AOPEP: variants seen among roughly 807,000 people sequenced by gnomAD.
AOPEP encodes aminopeptidase O (putative).
AOPEP carries 77 observed loss-of-function variants against 98.1 expected under a neutral mutation model. The observed-to-expected ratio is 0.78, with a 90% CI of 0.65 to 0.95. The LOEUF (loss-of-function observed/expected upper bound fraction) is 0.95. Ranked by LOEUF, AOPEP falls within the 40% of genes least tolerant of loss-of-function variation. The pLI is 0.00. For missense variants in AOPEP, 1,024 were observed against 1,024.7 expected, an observed-to-expected ratio of 1.00 and a Z score of 0.01; for synonymous variants, 346 against 365.3, an observed-to-expected ratio of 0.95 and a Z score of 0.60.
intron 3 of AOPEP, among the ~76,000 whole-genome samples, chr9:94,786,471 A>G (rs1348156079): frequency 6.6e-6 from 1 of 152,088 alleles, no homozygotes; most frequent in Non-Finnish European, 1.5e-5. Context: ...TCCTGAAATT[A>G]TTTATCTTTG....
chr9:94,948,960 G>A (rs566147867), intron 7 of AOPEP, among the ~76,000 whole-genome samples: 10 of 152,274 alleles, frequency 6.6e-5, no homozygotes, highest in South Asian at 4.2e-4. Context: ...TTTATGTAGC[G>A]TGGGTTTTTC....
At chr9:95,121,033 C>T in the AOPEP span, among the ~76,000 whole-genome samples, 1 of 152,178 alleles carries the variant, frequency 6.6e-6, no homozygotes, top group Non-Finnish European at 1.5e-5. Context: ...TGTGATGTCC[C>T]TTTAAAGGGC....
chr9:94,776,914 CA>C (rs1403206427), intron 3 of AOPEP, among the ~76,000 whole-genome samples: 10 of 147,034 alleles, frequency 6.8e-5, no homozygotes, highest in African/African-American at 2.5e-4. Flanking sequence ...GAAATAGCTT[CA>C]TTTTTTTTTT....
At chr9:95,053,053 C>G (rs1266685481) in intron 13 of AOPEP, among the ~76,000 whole-genome samples, 1 of 152,044 alleles carries the variant, frequency 6.6e-6, no homozygotes, top group African/African-American at 2.4e-5. Flanking sequence ...CCCTGGTTTC[C>G]AGTTGCCTGG....
chr9:94,740,994 G>A (rs866495782), intron 1 of AOPEP, among the ~76,000 whole-genome samples: 1 of 152,144 alleles, frequency 6.6e-6, no homozygotes, highest in Non-Finnish European at 1.5e-5. Flanking sequence ...TTCACAGAGT[G>A]GATACAATTG....
intron 1 of AOPEP, among the ~76,000 whole-genome samples, chr9:94,746,703 G>A (rs1304527161): frequency 6.6e-6 from 1 of 152,160 alleles, no homozygotes; most frequent in Non-Finnish European, 1.5e-5. Context: ...GCACCAAAGA[G>A]GAATGGCATC....
chr9:94,729,609 A>G (rs954342115), intron 1 of AOPEP, among the ~76,000 whole-genome samples: 3 of 151,588 alleles, frequency 2.0e-5, no homozygotes, highest in Non-Finnish European at 1.5e-5. Context: ...AAAGAAGACC[A>G]TAGAGCAGGG....
chr9:94,954,485 G>T (rs147743930), intron 7 of AOPEP, among the ~76,000 whole-genome samples: 1 of 152,156 alleles, frequency 6.6e-6, no homozygotes, highest in African/African-American at 2.4e-5. Flanking sequence ...AAAAAATCTC[G>T]TAATGTTTTA....
chr9:95,103,987 G>A, the AOPEP span, among the ~76,000 whole-genome samples: 1 of 152,224 alleles, frequency 6.6e-6, no homozygotes, highest in Non-Finnish European at 1.5e-5. Flanking sequence ...CAGCTGGGAG[G>A]TGGCTGCGCT....
At position 94,955,239 on chromosome 9, in the gene AOPEP, T is replaced by G. The variant is rs2058372702; in HGVS notation, c.1724T>G (p.Leu575Arg). ...GGAGCATCTGTTATCAAGCATGGACTTAATCCGGAGAAGATCTTCATGCAG... is the reference window on the plus strand; with the variant it reads ...GGAGCATCTGTTATCAAGCATGGACGTAATCCGGAGAAGATCTTCATGCAG... ...DSGASVIKHG[L>R]NPEKIFMQVH... is the part of the protein sequence containing the mutation. The change falls in exon 8 of 17, where the codon CTT (leucine) becomes CGT (arginine). Residue 575 changes from leucine (L) to arginine (R), a missense_variant. Physicochemically the swap from Leu to Arg is moderately radical, Grantham distance 102. Coordinates refer to ENST00000375315, the MANE Select transcript of AOPEP (RefSeq NM_001193329.3). 6.2e-7 allele frequency: 1 copy of G among 1,613,748 alleles called. No individual in the cohort carries two copies. Among genetic ancestry groups the G allele is most frequent in the Non-Finnish European group, 8.5e-7 (1 of 1,179,900 alleles).
At chr9:95,125,003 A>G in the AOPEP span, 1 of 1,196,664 alleles carries the variant, frequency 8.4e-7, no homozygotes, top group Non-Finnish European at 1.2e-6. Context: ...AAAATTATTG[A>G]AAATAAAGTG....
At chr9:94,918,947 G>T (rs903816294) in intron 5 of AOPEP, among the ~76,000 whole-genome samples, 4 of 150,694 alleles carry the variant, frequency 2.7e-5, no homozygotes, top group African/African-American at 7.4e-5. Context: ...TCGGAGTCTC[G>T]CACTGTTGCC....
intron 5 of AOPEP, among the ~76,000 whole-genome samples, chr9:94,850,034 CA>C (rs11309177): frequency 0.86 from 97,185 of 113,140 alleles, 41,346 homozygotes; most frequent in East Asian, 0.94. Context: ...GATTCCATCT[CA>C]AAAAAAAAAA....
At chr9:94,759,401 C>G (rs778961212) in intron 1 of AOPEP, among the ~76,000 whole-genome samples, 1 of 152,212 alleles carries the variant, frequency 6.6e-6, no homozygotes, top group African/African-American at 2.4e-5. Flanking sequence ...GGACAGTTCT[C>G]ATTGGAGCGT....
chr9:95,123,743 C>A, the AOPEP span: 1 of 693,698 alleles, frequency 1.4e-6, no homozygotes, highest in South Asian at 1.4e-5. Flanking sequence ...ACATTACTGT[C>A]TGAGTTGTGC....
intron 14 of AOPEP, among the ~76,000 whole-genome samples, chr9:95,074,741 A>AGCT (rs777169890): frequency 4.1e-4 from 62 of 152,328 alleles, no homozygotes; most frequent in Middle Eastern, 3.4e-3. Flanking sequence ...TTCTTGCGAG[A>AGCT]GCTGTGCTGA....
At chr9:94,923,957 CTG>C in intron 5 of AOPEP, 27 bp from the exon 6 acceptor site, 3 of 1,363,742 alleles carry the variant, frequency 2.2e-6, no homozygotes, top group Middle Eastern at 1.9e-4. Flanking sequence ...TAACAAGACT[CTG>C]TGCATTTTCT....
chr9:94,742,267 G>A (rs1225472391), intron 1 of AOPEP, among the ~76,000 whole-genome samples: 1 of 152,116 alleles, frequency 6.6e-6, no homozygotes, highest in Non-Finnish European at 1.5e-5. Flanking sequence ...CAAAACTTTT[G>A]GTGTGTGTTG....
At chr9:94,817,714 C>A (rs935469023) in intron 5 of AOPEP, among the ~76,000 whole-genome samples, 1 of 152,162 alleles carries the variant, frequency 6.6e-6, no homozygotes, top group South Asian at 2.1e-4. Context: ...AACCAAGGAC[C>A]TTGAAGGGGC....
Sources: allele counts gnomAD v4.1 joint callset (sites outside exome capture counted in the v4.1 genomes callset), GRCh38; gene constraint gnomAD v4.1.1; transcripts MANE v1.5; gene names NCBI Gene and HGNC (gene_info 2026-07-23, HGNC 2026-07-21).